The following CPEB2 variants were observed in gnomAD, a reference collection of about 807,000 sequenced individuals.
CPEB2 encodes cytoplasmic polyadenylation element-binding protein 2.
In CPEB2, 56 loss-of-function variants were observed where a neutral mutation model predicts 93.6. That is an observed-to-expected ratio of 0.60 (90% CI 0.48 to 0.75). The LOEUF is 0.75. Ranked by LOEUF, CPEB2 falls within the 30% of genes least tolerant of loss-of-function variation. CPEB2 has a pLI of 0.00. For synonymous variants in CPEB2, 764 were observed against 586.3 expected (o/e 1.30, Z -4.38); for missense variants, 1,579 against 1,395.1 (o/e 1.13, Z -2.10).
At chr4:15,007,145 TAGAA>T (rs1722924043) in intron 1 of CPEB2, among the ~76,000 whole-genome samples, 156 bp from the exon 2 acceptor site, 1 of 152,340 alleles carries the variant, frequency 6.6e-6, no homozygotes, top group Non-Finnish European at 1.5e-5. Flanking sequence ...TGATTTCACA[TAGAA>T]AGATCTCAAG....
chr4:15,030,789 C>A (rs1033188099), intron 4 of CPEB2, among the ~76,000 whole-genome samples: 1 of 151,976 alleles, frequency 6.6e-6, no homozygotes, highest in Non-Finnish European at 1.5e-5. Context: ...TGTTCCTTTG[C>A]AAATAGTTAT....
chr4:15,052,134 A>G (rs116078220), intron 6 of CPEB2, among the ~76,000 whole-genome samples: 1,657 of 152,158 alleles, frequency 0.011, 29 homozygotes, highest in African/African-American at 0.037. Context: ...GTTCTTGCTT[A>G]TAACAAGTTC....
At position 15,068,096 on chromosome 4, in the gene CPEB2, A is replaced by T. The variant is rs987454822; in HGVS notation, c.*1716A>T. ...CACCCAACAATGGTAAATGTTTTTTAAAAATGCAGAACTAAGATTTTTGAC... is the reference window on the plus strand; with the variant it reads ...CACCCAACAATGGTAAATGTTTTTTTAAAATGCAGAACTAAGATTTTTGAC... On this transcript the variant is annotated 3_prime_UTR_variant, in exon 12 of 12. Coordinates refer to ENST00000538197, the MANE Select transcript of CPEB2 (RefSeq NM_001177382.2). The T allele has an allele frequency of 6.6e-6, 1 of 152,342 alleles. No individual in the cohort carries two copies. Among genetic ancestry groups the T allele is most frequent in the Admixed American group, 6.6e-5 (1 of 15,222 alleles). 9.4% of individuals were successfully genotyped at this position (152,342 alleles called of 1,614,324 possible). A position where few individuals can be genotyped will look rare whatever the true frequency, so the allele number is the denominator to read the frequency against.
intron 3 of CPEB2, chr4:15,010,590 T>A (rs1013761015): frequency 6.6e-6 from 1 of 152,208 alleles, no homozygotes; most frequent in African/African-American, 2.4e-5. Flanking sequence ...ATGAAATTGA[T>A]ATCTTAAAAT....
rs907564636 is a variant in CPEB2, at chr4:15,002,484, A to ACGGCGG, written c.-178_-173dup. On this transcript the variant is annotated 5_prime_UTR_variant, in exon 1 of 12. Coordinates refer to ENST00000538197, the MANE Select transcript of CPEB2 (RefSeq NM_001177382.2). ...GGCCAGGGCGGCTACGGCGACTGCGACGGCGGCGGCGGCGGCGATCGCCGC... is the reference window on the plus strand; with the variant it reads ...GGCCAGGGCGGCTACGGCGACTGCGACGGCGGCGGCGGCGGCGGCGGCGATCGCCGC... 2.4e-4 allele frequency: 117 copies of ACGGCGG among 487,790 alleles called. No individual in the cohort carries two copies. The highest frequency in any genetic ancestry group is 1.4e-3 in the Admixed American group (32 of 23,240). The allele number at this position is 487,790 out of a possible 1,614,324, so 30.2% of individuals were successfully genotyped here. A position where few individuals can be genotyped will look rare whatever the true frequency, so the allele number is the denominator to read the frequency against.
intron 6 of CPEB2, among the ~76,000 whole-genome samples, chr4:15,041,124 G>A (rs926900263): frequency 2.0e-5 from 3 of 151,984 alleles, no homozygotes; most frequent in Admixed American, 1.3e-4. Context: ...AAGGAAAGAG[G>A]ACTATGTGAT....
intron 4 of CPEB2, among the ~76,000 whole-genome samples, chr4:15,019,796 A>G (rs1056010542): frequency 6.6e-6 from 1 of 152,034 alleles, no homozygotes; most frequent in Admixed American, 6.6e-5. Flanking sequence ...TATCTAGGAA[A>G]ATGAACTTGA....
chr4:15,027,334 A>G (rs1725595453), intron 4 of CPEB2, among the ~76,000 whole-genome samples: 1 of 152,208 alleles, frequency 6.6e-6, no homozygotes, highest in African/African-American at 2.4e-5. Flanking sequence ...TCTAAAGTAG[A>G]TTGATGGCTT....
At chr4:15,031,488 CT>C (rs893171878) in intron 4 of CPEB2, among the ~76,000 whole-genome samples, 3 of 152,096 alleles carry the variant, frequency 2.0e-5, no homozygotes, top group Non-Finnish European at 4.4e-5. Flanking sequence ...CATATGTATG[CT>C]TCTATTTCTC....
rs867800103 is a variant in CPEB2 at position 15,004,049 on chromosome 4, C to G, written c.1376C>G (p.Pro459Arg). 6.4e-7 allele frequency: 1 copy of G among 1,566,266 alleles called. No individual in the cohort carries two copies. The highest frequency in any genetic ancestry group is 8.6e-7 in the Non-Finnish European group (1 of 1,159,086). Reference protein sequence around the residue: ...FYPGLPSSMNPAFFPSFSPVS... With the variant: ...FYPGLPSSMNRAFFPSFSPVS... ...CCCGGGCTGCCGTCGTCCATGAACCCGGCCTTCTTCCCTAGCTTCTCGCCC... is the reference window on the plus strand; with the variant it reads ...CCCGGGCTGCCGTCGTCCATGAACCGGGCCTTCTTCCCTAGCTTCTCGCCC... Residue 459 changes from proline to arginine, a missense_variant, in exon 1 of 12, where the codon CCG becomes CGG. Transcript: ENST00000538197.
intron 4 of CPEB2, among the ~76,000 whole-genome samples, chr4:15,029,158 G>T (rs1035999639): frequency 6.6e-6 from 1 of 152,010 alleles, no homozygotes; most frequent in Non-Finnish European, 1.5e-5. Flanking sequence ...CATCACATTT[G>T]TGCGGATTCA....
intron 10 of CPEB2, 82 bp downstream of exon 10, chr4:15,059,383 G>A: frequency 1.1e-6 from 1 of 898,794 alleles, no homozygotes; most frequent in Non-Finnish European, 1.8e-6. Context: ...GGAAGCTATT[G>A]TGTACATGAC....
In CPEB2 at chr4:15,061,788, A is replaced by G. The variant is rs116446510; in HGVS notation, c.2696-291A>G. ...TGTATGGGATCTAGTATGCAAGTGA[A>G]AGGATTGGATTTAGGAAAGAGCATG... On this transcript the variant is annotated intron_variant, in intron 10 of 11. Coordinates refer to ENST00000538197, the MANE Select transcript of CPEB2 (RefSeq NM_001177382.2). Among the ~76,000 whole-genome samples, 344 of 143,988 alleles carry G rather than the reference A, an allele frequency of 2.4e-3. 3 individuals are homozygous for G. The highest frequency in any genetic ancestry group is 8.4e-3 in the African/African-American group (323 of 38,366). 94.5% of individuals were successfully genotyped at this position (143,988 alleles called of 152,430 possible). A position where few individuals can be genotyped will look rare whatever the true frequency, so the allele number is the denominator to read the frequency against.
intron 3 of CPEB2, among the ~76,000 whole-genome samples, chr4:15,011,101 C>CTTTTTTTT (rs201436379): frequency 4.0e-5 from 5 of 125,766 alleles, no homozygotes; most frequent in East Asian, 2.3e-4. Context: ...AATTTCTTTT[C>CTTTTTTTT]TTTTTTTTTT....
At chr4:15,037,466 G>C (rs1011703797) in intron 5 of CPEB2, among the ~76,000 whole-genome samples, 4 of 152,052 alleles carry the variant, frequency 2.6e-5, no homozygotes, top group Non-Finnish European at 5.9e-5. Flanking sequence ...CCTTCCTCTA[G>C]TTGCAGTAAT....
Position 15,033,126 on chromosome 4 carries a change from T to C in CPEB2, c.2126-35T>C, listed in dbSNP as rs373020023. The C allele has an allele frequency of 2.0e-6, 3 of 1,513,656 alleles. No individual in the cohort carries two copies. In the African/African-American group the frequency reaches 4.2e-5, roughly 21 times the overall value. The allele number at this position is 1,513,656 out of a possible 1,614,324, so 93.8% of individuals were successfully genotyped here. A position where few individuals can be genotyped will look rare whatever the true frequency, so the allele number is the denominator to read the frequency against. On this transcript the variant is annotated intron_variant, in intron 4 of 11. Coordinates refer to ENST00000538197, the MANE Select transcript of CPEB2 (RefSeq NM_001177382.2). Reference sequence around the variant, plus strand: ...TGTTTTTGCTTTTCAAATAACTCCATAATCTTCAAACTCACCTTTCCTGTC... The same window carrying C: ...TGTTTTTGCTTTTCAAATAACTCCACAATCTTCAAACTCACCTTTCCTGTC...
intron 6 of CPEB2, among the ~76,000 whole-genome samples, chr4:15,047,807 G>T (rs1727850146): frequency 6.6e-6 from 1 of 151,528 alleles, no homozygotes; most frequent in Non-Finnish European, 1.5e-5. Context: ...ACCTTCAAGA[G>T]AAACCATTTG....
At chr4:15,045,551 T>G (rs1727587649) in intron 6 of CPEB2, among the ~76,000 whole-genome samples, 1 of 152,124 alleles carries the variant, frequency 6.6e-6, no homozygotes. Context: ...AAATGAAGTG[T>G]TTGGAGTCAA....
chr4:15,055,738 C>T lies in CPEB2; in HGVS notation c.2461+1521C>T, dbSNP rs76401608. Among the ~76,000 whole-genome samples, 1,173 of 152,196 alleles carry T rather than the reference C, an allele frequency of 7.7e-3. 15 individuals are homozygous for T. Among genetic ancestry groups the T allele is most frequent in the African/African-American group, 0.027 (1,112 of 41,526 alleles). On this transcript the variant is annotated intron_variant, in intron 8 of 11. Coordinates refer to ENST00000538197, the MANE Select transcript of CPEB2 (RefSeq NM_001177382.2). Reference sequence around the variant, plus strand: ...ATGCATTCCTTCTGCCTGGCCTTGCCTTCTTTCTAGCTTCTTCTACTATTG... The same window carrying T: ...ATGCATTCCTTCTGCCTGGCCTTGCTTTCTTTCTAGCTTCTTCTACTATTG...
Sources: gnomAD v4.1 joint callset for allele counts (sites outside exome capture counted in the v4.1 genomes callset) on GRCh38, gnomAD v4.1.1 for gene constraint, MANE v1.5 for transcripts, NCBI Gene and HGNC (gene_info 2026-07-23, HGNC 2026-07-21) for gene names.